CD59: variants seen among roughly 807,000 people sequenced by gnomAD.
CD59 encodes CD59 glycoprotein.
A neutral mutation model predicts 7.0 loss-of-function variants in CD59; 3 were observed. The ratio of observed to expected loss-of-function variants is 0.43; its 90% CI spans 0.19 to 1.10. CD59 has a LOEUF of 1.10. Ranked by LOEUF, CD59 falls within the 50% of genes least tolerant of loss-of-function variation. CD59 has a pLI of 0.29. For synonymous variants in CD59, 60 were observed against 62.0 expected (o/e 0.97, Z 0.15); for missense variants, 143 against 151.0 (o/e 0.95, Z 0.28).
rs1177447637 is a variant in CD59 at position 33,703,248 on chromosome 11, C to T, written c.*6878G>A. On this transcript the variant is annotated 3_prime_UTR_variant, in exon 4 of 4. Transcript: ENST00000642928. Reference sequence around the variant, plus strand: ...TCTCTAACAAGTATGCAAGAAAACTCAAGTGCCACAATGAACACCCATAAA... The same window carrying T: ...TCTCTAACAAGTATGCAAGAAAACTTAAGTGCCACAATGAACACCCATAAA... The T allele has an allele frequency of 6.6e-6, 1 of 152,112 alleles. No individual in the cohort carries two copies. The allele number at this position is 152,112 out of a possible 1,614,324, so 9.4% of individuals were successfully genotyped here. A position where few individuals can be genotyped will look rare whatever the true frequency, so the allele number is the denominator to read the frequency against.
chr11:33,735,863 C>G (rs891879287), intron 1 of CD59, among the ~76,000 whole-genome samples: 6 of 151,808 alleles, frequency 4.0e-5, no homozygotes, highest in Admixed American at 3.9e-4. Flanking sequence ...TTGCGGTGAA[C>G]CCAGATCGCG....
chr11:33,722,881 T>C, intron 1 of CD59: 1 of 996,594 alleles, frequency 1.0e-6, no homozygotes, highest in Non-Finnish European at 1.3e-6. Flanking sequence ...CCAGCATGCA[T>C]TCAGCAGTGG....
chr11:33,715,968 A>G (rs954351164), intron 3 of CD59, among the ~76,000 whole-genome samples: 5 of 152,340 alleles, frequency 3.3e-5, no homozygotes, highest in Admixed American at 3.3e-4. Context: ...AATTATACTT[A>G]GTAGTGAGGA....
At chr11:33,725,431 A>G (rs1489988751) in intron 1 of CD59, among the ~76,000 whole-genome samples, 1 of 152,172 alleles carries the variant, frequency 6.6e-6, no homozygotes, top group Non-Finnish European at 1.5e-5. Flanking sequence ...CTTTCCAAAC[A>G]TTTCAGGATT....
intron 1 of CD59, among the ~76,000 whole-genome samples, chr11:33,725,743 A>G (rs1251614572): frequency 6.6e-6 from 1 of 152,212 alleles, no homozygotes; most frequent in East Asian, 1.9e-4. Flanking sequence ...ACATCCAACA[A>G]TAAGGAAATG....
At position 33,723,049 on chromosome 11, in the gene CD59, A is replaced by G. The variant is rs910357375; in HGVS notation, c.-18-586T>C. 6.6e-6 allele frequency: 5 copies of G among 762,282 alleles called. No individual in the cohort carries two copies. In the African/African-American group the frequency reaches 9.5e-5, roughly 14 times the overall value. 47.2% of individuals were successfully genotyped at this position (762,282 alleles called of 1,614,324 possible). ...GAATGCCTAGATGTGTAGTGATAGC[A>G]TCAGGTGAGAAGAAGGAAAGCCTGA... is the stretch of plus-strand genomic sequence containing the variant. On this transcript the variant is annotated intron_variant, in intron 1 of 3. Transcript: ENST00000642928.
intron 3 of CD59, among the ~76,000 whole-genome samples, chr11:33,715,167 TATAAA>T (rs1028429682): frequency 1.3e-5 from 2 of 151,934 alleles, no homozygotes; most frequent in African/African-American, 4.8e-5. Context: ...ACACATTTAT[TATAAA>T]ATATTATATA....
At chr11:33,719,857 G>A (rs1307706123) in intron 2 of CD59, among the ~76,000 whole-genome samples, 1 of 152,220 alleles carries the variant, frequency 6.6e-6, no homozygotes, top group East Asian at 1.9e-4. Context: ...AAGCCACAAG[G>A]AGAAGGCGCA....
chr11:33,728,663 A>T (rs1033417308), intron 1 of CD59, among the ~76,000 whole-genome samples: 1 of 152,302 alleles, frequency 6.6e-6, no homozygotes, highest in South Asian at 2.1e-4. Flanking sequence ...AAGCCAAAAT[A>T]GACAAATGGG....
chr11:33,712,769 G>T (rs535111835), intron 3 of CD59, among the ~76,000 whole-genome samples: 1 of 152,150 alleles, frequency 6.6e-6, no homozygotes, highest in Non-Finnish European at 1.5e-5. Context: ...AAATGTAAAC[G>T]TTCTGGTCTG....
intron 1 of CD59, among the ~76,000 whole-genome samples, chr11:33,735,256 C>A (rs1036793148): frequency 4.6e-5 from 7 of 152,184 alleles, no homozygotes; most frequent in African/African-American, 1.4e-4. Context: ...TAGCAGCCGC[C>A]GCGTTTGTGC....
chr11:33,723,692 G>A (rs1452143409), intron 1 of CD59, among the ~76,000 whole-genome samples: 4 of 152,230 alleles, frequency 2.6e-5, no homozygotes, highest in African/African-American at 9.6e-5. Flanking sequence ...ACCTTCCCAG[G>A]AGACCTGGGC....
Position 33,710,114 on chromosome 11 carries a change from C to T in CD59, c.*12G>A, listed in dbSNP as rs560195222. The T allele has an allele frequency of 9.4e-6, 15 of 1,601,622 alleles. No homozygotes were observed. In the Admixed American group the frequency reaches 2.5e-4, roughly 27 times the overall value. Reference sequence around the variant, plus strand: ...GAACGGGGAGTTTGGGAGAAGCTCTCCTGGTGTTGACTTAGGGATGAAGGC... The same window carrying T: ...GAACGGGGAGTTTGGGAGAAGCTCTTCTGGTGTTGACTTAGGGATGAAGGC... On this transcript the variant is annotated 3_prime_UTR_variant, in exon 4 of 4. Transcript: ENST00000642928.
chr11:33,728,814 T>C (rs1854332082), intron 1 of CD59, among the ~76,000 whole-genome samples: 1 of 151,898 alleles, frequency 6.6e-6, no homozygotes, highest in Admixed American at 6.6e-5. Flanking sequence ...ATAAACAAAT[T>C]TACAAGAAAA....
chr11:33,736,032 TTC>T lies in CD59; in HGVS notation c.-19+348_-19+349del, dbSNP rs1225404646. 6.6e-6 allele frequency among the ~76,000 whole-genome samples: 1 copy of T among 152,114 alleles called. No individual in the cohort carries two copies. Among genetic ancestry groups the T allele is most frequent in the African/African-American group, 2.4e-5 (1 of 41,444 alleles). ...GGGCTGGCCTTTCCCCCGGCGCAGT[TTC>T]TCTGGACCGCTAGAGCTTCCCTTGA... On this transcript the variant is annotated intron_variant, in intron 1 of 3. Coordinates refer to ENST00000642928, the MANE Select transcript of CD59 (RefSeq NM_000611.6). This position sits in a 1 kb window ranked among gnomAD's most constrained non-coding sequence, Gnocchi z 4.4.
At chr11:33,731,334 A>G (rs1225308589) in intron 1 of CD59, 2 of 150,066 alleles carry the variant, frequency 1.3e-5, no homozygotes, top group Non-Finnish European at 3.0e-5. Flanking sequence ...ACATATATAT[A>G]TGCAATCCAA....
At chr11:33,729,834 C>T (rs1239353784) in intron 1 of CD59, among the ~76,000 whole-genome samples, 1 of 151,994 alleles carries the variant, frequency 6.6e-6, no homozygotes, top group Admixed American at 6.6e-5. Context: ...TACTGTTCAT[C>T]CAAAACCCCA....
Position 33,709,634 on chromosome 11 carries a change from C to A in CD59, c.*492G>T. The A allele has an allele frequency of 4.7e-6, 1 of 212,620 alleles. No individual in the cohort carries two copies. The highest frequency in any genetic ancestry group is 9.6e-6 in the Non-Finnish European group (1 of 104,466). 13.2% of individuals were successfully genotyped at this position (212,620 alleles called of 1,614,324 possible). A position where few individuals can be genotyped will look rare whatever the true frequency, so the allele number is the denominator to read the frequency against. On this transcript the variant is annotated 3_prime_UTR_variant, in exon 4 of 4. Coordinates refer to ENST00000642928, the MANE Select transcript of CD59 (RefSeq NM_000611.6). ...GCTCTGCATTAAGGATCTTGTTGTC[C>A]CTGACTGACACCCACATATGGAACA...
intron 1 of CD59, among the ~76,000 whole-genome samples, chr11:33,728,782 G>T (rs1347757949): frequency 6.6e-6 from 1 of 152,014 alleles, no homozygotes; most frequent in Non-Finnish European, 1.5e-5. Context: ...TCTGACAAAG[G>T]GCTAATATCC....
Sources: allele counts gnomAD v4.1 joint callset (sites outside exome capture counted in the v4.1 genomes callset), GRCh38; gene constraint gnomAD v4.1.1; non-coding constraint Gnocchi (gnomAD v3.1); transcripts MANE v1.5; gene names NCBI Gene and HGNC (gene_info 2026-07-23, HGNC 2026-07-21).